Variants in CRTC3 observed in about 807,000 individuals in gnomAD.
CRTC3 encodes CREB-regulated transcription coactivator 3.
CRTC3 carries 26 observed loss-of-function variants against 74.5 expected under a neutral mutation model. The observed-to-expected ratio is 0.35, with a 90% confidence interval of 0.26 to 0.48. The LOEUF (loss-of-function observed/expected upper bound fraction) is 0.48, where lower values mean the gene tolerates loss of function less well. Ranked by LOEUF, CRTC3 falls within the 20% of genes least tolerant of loss-of-function variation. The pLI is 0.99. For missense variants in CRTC3, 760 were observed against 787.3 expected (o/e 0.97, Z 0.41); for synonymous variants, 377 against 325.8 (o/e 1.16, Z -1.69).
chr15:90,585,411 C>G (rs1967636416), intron 2 of CRTC3, among the ~76,000 whole-genome samples: 1 of 152,088 alleles, frequency 6.6e-6, no homozygotes, highest in African/African-American at 2.4e-5. Context: ...TCCCAAAGTA[C>G]TGGGATTACA....
chr15:90,575,273 C>A (rs1967376919), intron 2 of CRTC3, among the ~76,000 whole-genome samples: 1 of 152,140 alleles, frequency 6.6e-6, no homozygotes, highest in Non-Finnish European at 1.5e-5. Context: ...ATCGCTTGAA[C>A]CCGGGAGGCG....
rs11426969 is a variant in CRTC3 at position 90,541,782 on chromosome 15, C to CTTTTTT, written c.231+1647_231+1652dup. The stretch of plus-strand genomic sequence containing the variant: ...GATAATCCTTGGCCTTCCCAGGATT[C>CTTTTTT]TTTTTTTCTTTTTTTTTTTTTGAGA... On this transcript the variant is annotated intron_variant, in intron 2 of 14. Transcript: ENST00000268184. 3.9e-4 allele frequency among the ~76,000 whole-genome samples: 47 copies of CTTTTTT among 120,080 alleles called. 7 individuals are homozygous for CTTTTTT. The highest frequency in any genetic ancestry group is 4.4e-4 in the Non-Finnish European group (26 of 59,344). The allele number at this position is 120,080 out of a possible 152,430, so 78.8% of individuals were successfully genotyped here. A position where few individuals can be genotyped will look rare whatever the true frequency, so the allele number is the denominator to read the frequency against.
At chr15:90,546,549 T>G (rs750255715) in intron 2 of CRTC3, among the ~76,000 whole-genome samples, 5 of 152,260 alleles carry the variant, frequency 3.3e-5, no homozygotes, top group South Asian at 2.1e-4. Context: ...GCTGTTTTGC[T>G]TATTTTCATT....
chr15:90,643,058 GTC>G lies in CRTC3; in HGVS notation c.*922_*923del. On this transcript the variant is annotated 3_prime_UTR_variant, in exon 15 of 15. Coordinates refer to ENST00000268184, the MANE Select transcript of CRTC3 (RefSeq NM_022769.5). ...CTTCCCCATCCCTCCCCAGAGCTGT[GTC>G]TCTGTGGGCTGGGAGTCTAATGTCA... 4.3e-6 allele frequency: 1 copy of G among 232,316 alleles called. No homozygotes were observed. 14.4% of individuals were successfully genotyped at this position (232,316 alleles called of 1,614,324 possible). A position where few individuals can be genotyped will look rare whatever the true frequency, so the allele number is the denominator to read the frequency against.
intron 2 of CRTC3, among the ~76,000 whole-genome samples, chr15:90,554,170 G>A (rs916812030): frequency 2.0e-5 from 3 of 151,840 alleles, no homozygotes; most frequent in Non-Finnish European, 2.9e-5. Flanking sequence ...TTAGAACAGT[G>A]GTTGGCACAA....
In CRTC3 at chr15:90,539,404, CTT is replaced by C. The variant is rs201612014; in HGVS notation, c.133-632_133-631del. On this transcript the variant is annotated intron_variant, in intron 1 of 14. Coordinates refer to ENST00000268184, the MANE Select transcript of CRTC3 (RefSeq NM_022769.5). ...ATATCAATGAGTTTTTTTGGTGAAACTTTTCTCATATGTATATTATAAACTCT... is the reference window on the plus strand; with the variant it reads ...ATATCAATGAGTTTTTTTGGTGAAACTTCTCATATGTATATTATAAACTCT... Among the ~76,000 whole-genome samples, 1,167 of 126,684 alleles carry C rather than the reference CTT, an allele frequency of 9.2e-3. 18 individuals carry two copies. Among genetic ancestry groups the C allele is most frequent in the African/African-American group, 0.034 (1,118 of 32,994 alleles). The allele number at this position is 126,684 out of a possible 152,430, so 83.1% of individuals were successfully genotyped here.
intron 2 of CRTC3, among the ~76,000 whole-genome samples, chr15:90,554,847 GT>G (rs1966875769): frequency 1.3e-5 from 2 of 152,192 alleles, no homozygotes; most frequent in South Asian, 4.1e-4. Flanking sequence ...TATGGGTTGG[GT>G]TACAAGTTAT....
chr15:90,625,651 C>A (rs987069463), intron 9 of CRTC3, 125 bp from the exon 10 acceptor site: 1 of 825,488 alleles, frequency 1.2e-6, no homozygotes, highest in South Asian at 1.6e-5. Flanking sequence ...TCAGAGAGGC[C>A]GCACCAGGAC....
At chr15:90,551,940 A>ACG (rs1567163215) in intron 2 of CRTC3, among the ~76,000 whole-genome samples, 1 of 11,962 alleles carries the variant, frequency 8.4e-5, no homozygotes, top group Non-Finnish European at 2.1e-4. Context: ...GCACACACAC[A>ACG]CACGCACACA....
intron 2 of CRTC3, among the ~76,000 whole-genome samples, chr15:90,566,334 G>A (rs1967121289): frequency 6.6e-6 from 1 of 152,106 alleles, no homozygotes; most frequent in African/African-American, 2.4e-5. Flanking sequence ...TGGATCGCTT[G>A]AGGTCAGGAG....
At chr15:90,575,036 T>G (rs1020550445) in intron 2 of CRTC3, among the ~76,000 whole-genome samples, 4 of 152,166 alleles carry the variant, frequency 2.6e-5, no homozygotes, top group African/African-American at 9.7e-5. Flanking sequence ...TAACAGACAT[T>G]ACAATTTTTT....
At chr15:90,586,914 A>T (rs980052685) in intron 2 of CRTC3, among the ~76,000 whole-genome samples, 2 of 152,248 alleles carry the variant, frequency 1.3e-5, no homozygotes, top group Non-Finnish European at 2.9e-5. Context: ...GATAATAAAC[A>T]ACAACTCTCC....
chr15:90,630,451 C>CA (rs1351529773), intron 11 of CRTC3, among the ~76,000 whole-genome samples: 1 of 152,090 alleles, frequency 6.6e-6, no homozygotes, highest in Non-Finnish European at 1.5e-5. Context: ...CCCACCCATA[C>CA]AAAAAATGGA....
At chr15:90,548,076 A>C (rs1966847699) in intron 2 of CRTC3, among the ~76,000 whole-genome samples, 1 of 151,530 alleles carries the variant, frequency 6.6e-6, no homozygotes, top group African/African-American at 2.4e-5. Context: ...TTTTGTAGAG[A>C]TAGAGTTTCA....
chr15:90,568,527 T>A (rs1967178222), intron 2 of CRTC3, among the ~76,000 whole-genome samples: 1 of 152,150 alleles, frequency 6.6e-6, no homozygotes, highest in Non-Finnish European at 1.5e-5. Flanking sequence ...ATTTTTGTAT[T>A]TTTAGTAGAG....
At chr15:90,582,592 T>C (rs1967568490) in intron 2 of CRTC3, among the ~76,000 whole-genome samples, 1 of 152,236 alleles carries the variant, frequency 6.6e-6, no homozygotes, top group South Asian at 2.1e-4. Context: ...GGTATGTTCT[T>C]TGTTTTTTAA....
At chr15:90,565,904 G>A (rs1303714677) in intron 2 of CRTC3, among the ~76,000 whole-genome samples, 1 of 152,132 alleles carries the variant, frequency 6.6e-6, no homozygotes, top group African/African-American at 2.4e-5. Context: ...GCCTCTAAGT[G>A]TTCAAGTGAA....
chr15:90,604,464 C>A lies in CRTC3; in HGVS notation c.476+17C>A. 6.3e-7 allele frequency: 1 copy of A among 1,593,294 alleles called. No homozygotes were observed. The highest frequency in any genetic ancestry group is 1.1e-5 in the South Asian group (1 of 90,658). On this transcript the variant is annotated intron_variant, in intron 5 of 14. Coordinates refer to ENST00000268184, the MANE Select transcript of CRTC3 (RefSeq NM_022769.5). Reference sequence around the variant, plus strand: ...ACTTAACAGGTACATGGGTTGTTTCCTGGTAGGAGTAGATTTTAAAGCAAT... The same window carrying A: ...ACTTAACAGGTACATGGGTTGTTTCATGGTAGGAGTAGATTTTAAAGCAAT...
rs904391523 is a variant in CRTC3 at position 90,625,714 on chromosome 15, T to C, written c.750-62T>C. ...TTTGACAAGGAAAAGGTTTCAGCCATGTTTGGTTTCCCAACAGCCAAATAC... is the reference window on the plus strand; with the variant it reads ...TTTGACAAGGAAAAGGTTTCAGCCACGTTTGGTTTCCCAACAGCCAAATAC... On this transcript the variant is annotated intron_variant, in intron 9 of 14. Transcript: ENST00000268184. 20 of 1,432,464 alleles carry C rather than the reference T, an allele frequency of 1.4e-5. No individual in the cohort carries two copies. The Admixed American group carries it at 3.4e-4, about 24-fold the overall frequency. The allele number at this position is 1,432,464 out of a possible 1,614,324, so 88.7% of individuals were successfully genotyped here. A position where few individuals can be genotyped will look rare whatever the true frequency, so the allele number is the denominator to read the frequency against.
Sources: gnomAD v4.1 joint callset for allele counts (sites outside exome capture counted in the v4.1 genomes callset) on GRCh38, gnomAD v4.1.1 for gene constraint, MANE v1.5 for transcripts, NCBI Gene and HGNC (gene_info 2026-07-23, HGNC 2026-07-21) for gene names.